The following KLHL26 variants were observed in gnomAD, a reference collection of about 807,000 sequenced individuals.
KLHL26 encodes kelch-like protein 26.
KLHL26 carries 4 observed loss-of-function variants against 7.1 expected under a neutral mutation model. The observed-to-expected ratio is 0.56, with a 90% CI of 0.28 to 1.28. The LOEUF (loss-of-function observed/expected upper bound fraction) is 1.28. Ranked by LOEUF, KLHL26 falls within the 50% of genes most tolerant of loss-of-function variation. The probability of loss-of-function intolerance (pLI) is 0.11; values close to 1 mark genes in which losing one functional copy is unlikely to be tolerated. For missense variants in KLHL26, 896 were observed against 924.6 expected, an observed-to-expected ratio of 0.97 and a Z score of 0.40; for synonymous variants, 465 against 414.1, an observed-to-expected ratio of 1.12 and a Z score of -1.49.
At position 18,649,934 on chromosome 19, in the gene KLHL26, C is replaced by CTG. The variant is rs1483729663; in HGVS notation, c.83+12802_83+12803dup. 6.6e-6 allele frequency among the ~76,000 whole-genome samples: 1 copy of CTG among 152,216 alleles called. No individual in the cohort carries two copies. Among genetic ancestry groups the CTG allele is most frequent in the African/African-American group, 2.4e-5 (1 of 41,454 alleles). On this transcript the variant is annotated intron_variant, in intron 1 of 2. Transcript: ENST00000300976. The surrounding 1 kb of genome is among the most constrained non-coding windows in gnomAD (Gnocchi z 4.0). ...CTGCGCAGCGGAGTGCCTGATCGCT[C>CTG]TGTGTGCACCACCACGGTGCACACT...
chr19:18,654,289 C>A (rs1412182159), intron 1 of KLHL26, among the ~76,000 whole-genome samples: 3 of 148,746 alleles, frequency 2.0e-5, no homozygotes, highest in African/African-American at 7.5e-5. Flanking sequence ...ATCTACCCAT[C>A]CACCTGCCTA....
chr19:18,658,463 CTGTATTTCTCTCCT>C (rs1222901572), intron 1 of KLHL26, among the ~76,000 whole-genome samples: 1 of 152,088 alleles, frequency 6.6e-6, no homozygotes, highest in Non-Finnish European at 1.5e-5. Context: ...TCCTCTCTCC[CTGTATTTCTCTCCT>C]TGTCTCTCTG....
intron 1 of KLHL26, among the ~76,000 whole-genome samples, chr19:18,645,726 C>T (rs746786984): frequency 2.6e-5 from 4 of 151,470 alleles, no homozygotes; most frequent in Non-Finnish European, 4.4e-5. Context: ...GCAGGAGAAT[C>T]GCTTGAACCT....
In KLHL26 at chr19:18,670,489, G is replaced by A. The variant is rs772464325; in HGVS notation, c.*1244G>A. The stretch of plus-strand genomic sequence containing the variant: ...TCCCTTTATTTAATAAAAATGTTAT[G>A]GTGAAGAGATGGAGCCGGCCCAGCA... On this transcript the variant is annotated 3_prime_UTR_variant, in exon 3 of 3. Transcript: ENST00000300976. 1 of 152,288 alleles carries A rather than the reference G, an allele frequency of 6.6e-6. No homozygotes were observed. The highest frequency in any genetic ancestry group is 1.5e-5 in the Non-Finnish European group (1 of 68,032). 9.4% of individuals were successfully genotyped at this position (152,288 alleles called of 1,614,324 possible).
rs780874647 is a variant in KLHL26 at position 18,668,649 on chromosome 19, A to G, written c.1252A>G (p.Thr418Ala). ...LNVLCGMVYA[T>A]GGRNRAGSLA... ...CGTGCTGTGCGGCATGGTGTACGCC[A>G]CGGGCGGCCGCAACCGAGCCGGCAG... The change falls in exon 3 of 3, where the codon ACG becomes GCG. Residue 418 changes from threonine (T) to alanine (A), a missense_variant. Thr to Ala is a moderately conservative substitution (Grantham distance 58). Transcript: ENST00000300976. 3 of 1,568,998 alleles carry G rather than the reference A, an allele frequency of 1.9e-6. No homozygotes were observed. The highest frequency in any genetic ancestry group is 1.1e-5 in the South Asian group (1 of 88,290).
chr19:18,652,820 G>A (rs1177138254), intron 1 of KLHL26, among the ~76,000 whole-genome samples: 1 of 152,136 alleles, frequency 6.6e-6, no homozygotes, highest in Non-Finnish European at 1.5e-5. Context: ...TTTGTATAAG[G>A]CCATCAACTG....
At chr19:18,665,640 ACTGT>A (rs923580140) in intron 2 of KLHL26, among the ~76,000 whole-genome samples, 26 of 152,328 alleles carry the variant, frequency 1.7e-4, no homozygotes, top group Non-Finnish European at 3.4e-4. Flanking sequence ...CATGGCGGGC[ACTGT>A]CTGTCTGTCC....
chr19:18,664,313 A>G lies in KLHL26; in HGVS notation c.136A>G (p.Ser46Gly), dbSNP rs757318991. 1 of 1,609,226 alleles carries G rather than the reference A, an allele frequency of 6.2e-7. No homozygotes were observed. Among genetic ancestry groups the G allele is most frequent in the Non-Finnish European group, 8.5e-7 (1 of 1,179,506 alleles). ...LKCTFSAPSH[S>G]TSLLQGLATL... ...GTGCACCTTCTCGGCACCCAGCCAC[A>G]GCACCAGCCTCCTGCAGGGCCTGGC... Residue 46 changes from serine to glycine, a missense_variant, in exon 2 of 3, where the codon AGC (serine) becomes GGC (glycine). Ser to Gly is a moderately conservative substitution (Grantham distance 56). Transcript: ENST00000300976.
At position 18,649,126 on chromosome 19, in the gene KLHL26, C is replaced by T. The variant is rs1376022284; in HGVS notation, c.83+11989C>T. ...CGGCTCAAGTGTTGTCTCCTCGGGG[C>T]CTGGCCACTGTGTCCACCGTGGCGC... is the stretch of plus-strand genomic sequence containing the variant. On this transcript the variant is annotated intron_variant, in intron 1 of 2. Transcript: ENST00000300976. This position sits in a 1 kb window ranked among gnomAD's most constrained non-coding sequence, Gnocchi z 4.0. Among the ~76,000 whole-genome samples, 1 of 152,208 alleles carries T rather than the reference C, an allele frequency of 6.6e-6. No individual in the cohort carries two copies. The highest frequency in any genetic ancestry group is 1.9e-4 in the East Asian group (1 of 5,202).
chr19:18,645,045 A>G (rs1203152695), intron 1 of KLHL26, among the ~76,000 whole-genome samples: 2 of 152,174 alleles, frequency 1.3e-5, no homozygotes, highest in African/African-American at 4.8e-5. Context: ...GGGATCAACA[A>G]AAAACCCGTT....
intron 1 of KLHL26, among the ~76,000 whole-genome samples, chr19:18,659,288 A>T (rs1203376980): frequency 6.6e-6 from 1 of 151,928 alleles, no homozygotes; most frequent in African/African-American, 2.4e-5. Flanking sequence ...GAGGCTAGGG[A>T]TTGGGCAGTG....
chr19:18,664,217 G>C lies in KLHL26; in HGVS notation c.84-44G>C, dbSNP rs559431112. 2.6e-6 allele frequency: 4 copies of C among 1,532,442 alleles called. No individual in the cohort carries two copies. The East Asian group carries it at 9.1e-5, about 35-fold the overall frequency. 94.9% of individuals were successfully genotyped at this position (1,532,442 alleles called of 1,614,324 possible). A position where few individuals can be genotyped will look rare whatever the true frequency, so the allele number is the denominator to read the frequency against. ...TGTTGTGTTCAAGGTAATAGTGTGT[G>C]TGTGAACCTCTGGGCCATGTCCCCA... On this transcript the variant is annotated intron_variant, in intron 1 of 2. Coordinates refer to ENST00000300976, the MANE Select transcript of KLHL26 (RefSeq NM_018316.3).
chr19:18,667,596 G>A (rs2052462461), intron 2 of KLHL26, 68 bp from the exon 3 acceptor site: 1 of 1,555,784 alleles, frequency 6.4e-7, no homozygotes, highest in Non-Finnish European at 8.7e-7. Flanking sequence ...CCCCAGGCCA[G>A]ATCATTCCTG....
rs1976838961 is a variant in KLHL26, at chr19:18,648,175, C to T, written c.83+11038C>T. Reference sequence around the variant, plus strand: ...CTTGAGGTCAGGAGTTCGAGACCAGCCTGGGCAACATAGTGAGATCCAGTC... The same window carrying T: ...CTTGAGGTCAGGAGTTCGAGACCAGTCTGGGCAACATAGTGAGATCCAGTC... On this transcript the variant is annotated intron_variant, in intron 1 of 2. Coordinates refer to ENST00000300976, the MANE Select transcript of KLHL26 (RefSeq NM_018316.3). This position sits in a 1 kb window ranked among gnomAD's most constrained non-coding sequence, Gnocchi z 4.9. Among the ~76,000 whole-genome samples, 1 of 152,160 alleles carries T rather than the reference C, an allele frequency of 6.6e-6. No individual in the cohort carries two copies. The highest frequency in any genetic ancestry group is 2.1e-4 in the South Asian group (1 of 4,824).
chr19:18,648,038 G>T lies in KLHL26; in HGVS notation c.83+10901G>T, dbSNP rs1296417447. Among the ~76,000 whole-genome samples the T allele has an allele frequency of 6.6e-6, 1 of 152,166 alleles. No homozygotes were observed. Among genetic ancestry groups the T allele is most frequent in the African/African-American group, 2.4e-5 (1 of 41,436 alleles). On this transcript the variant is annotated intron_variant, in intron 1 of 2. Transcript: ENST00000300976. This position sits in a 1 kb window ranked among gnomAD's most constrained non-coding sequence, Gnocchi z 4.9. ...GGCCAGGGGGCCAGGGCAGGGTTTG[G>T]GTGAGCGGCATATCAGTCAGCCTCC...
intron 1 of KLHL26, among the ~76,000 whole-genome samples, chr19:18,645,625 A>G (rs758294370): frequency 2.0e-5 from 3 of 152,128 alleles, no homozygotes; most frequent in Non-Finnish European, 4.4e-5. Context: ...CAGCCTGGCC[A>G]ACATAGTGAA....
intron 2 of KLHL26, 124 bp from the exon 3 acceptor site, chr19:18,667,540 C>A: frequency 6.9e-7 from 1 of 1,456,878 alleles, no homozygotes; most frequent in Non-Finnish European, 9.1e-7. Flanking sequence ...CGCCTACTTT[C>A]CTCTTGCTGG....
Position 18,668,937 on chromosome 19 carries a change from G to A in KLHL26, c.1540G>A (p.Gly514Arg), listed in dbSNP as rs1374658889. 1.2e-6 allele frequency: 2 copies of A among 1,609,374 alleles called. No individual in the cohort carries two copies. Among genetic ancestry groups the A allele is most frequent in the Admixed American group, 3.3e-5 (2 of 60,004 alleles). Residue 514 changes from glycine (G) to arginine (R), a missense_variant, in exon 3 of 3, where the codon GGG becomes AGG. Gly to Arg is a moderately radical substitution (Grantham distance 125). Coordinates refer to ENST00000300976, the MANE Select transcript of KLHL26 (RefSeq NM_018316.3). ...VGAGGRIYAL[G>R]GRMDHVDRCF... ...TGCCGGCGGCCGCATCTATGCCCTC[G>A]GGGGCCGCATGGACCACGTGGACCG...
chr19:18,667,605 T>C, intron 2 of KLHL26, 59 bp from the exon 3 acceptor site: 1 of 1,563,526 alleles, frequency 6.4e-7, no homozygotes, highest in Admixed American at 1.8e-5. Context: ...AGATCATTCC[T>C]GGCTGGCCAA....
Sources: gnomAD v4.1 joint callset for allele counts (sites outside exome capture counted in the v4.1 genomes callset) on GRCh38, gnomAD v4.1.1 for gene constraint, Gnocchi (gnomAD v3.1) non-coding constraint, MANE v1.5 for transcripts, NCBI Gene and HGNC (gene_info 2026-07-23, HGNC 2026-07-21) for gene names.